Variants in MTMR12 observed in about 807,000 individuals in gnomAD.
MTMR12 encodes myotubularin related protein 12.
MTMR12 carries 33 observed loss-of-function variants against 96.7 expected under a neutral mutation model. That is an observed-to-expected ratio of 0.34 (90% CI 0.26 to 0.46). The LOEUF (loss-of-function observed/expected upper bound fraction) is 0.46, where lower values mean the gene tolerates loss of function less well. MTMR12 is among the 20% of genes least tolerant of loss of function. The pLI, the probability that MTMR12 is intolerant of heterozygous loss-of-function variation, is 1.00. For synonymous variants in MTMR12, 298 were observed against 327.2 expected, an observed-to-expected ratio of 0.91 and a Z score of 0.96; for missense variants, 721 against 896.1, an observed-to-expected ratio of 0.80 and a Z score of 2.49.
At chr5:32,248,678 T>C in intron 9 of MTMR12, 94 bp downstream of exon 9, 1 of 901,372 alleles carries the variant, frequency 1.1e-6, no homozygotes, top group Non-Finnish European at 1.8e-6. Flanking sequence ...AAGCTACCAG[T>C]AGGTAAACAG....
At chr5:32,296,645 CA>C (rs1051040814) in intron 1 of MTMR12, among the ~76,000 whole-genome samples, 5 of 149,090 alleles carry the variant, frequency 3.4e-5, no homozygotes, top group Non-Finnish European at 4.5e-5. Flanking sequence ...CTGTCCCTAC[CA>C]AAAAAAAACT....
At chr5:32,257,480 A>G (rs998569251) in intron 7 of MTMR12, among the ~76,000 whole-genome samples, 4 of 152,018 alleles carry the variant, frequency 2.6e-5, no homozygotes, top group African/African-American at 9.7e-5. Context: ...TTGCATTTAA[A>G]AAATCATCAG....
At chr5:32,255,336 A>C (rs563750023) in intron 8 of MTMR12, among the ~76,000 whole-genome samples, 2 of 152,158 alleles carry the variant, frequency 1.3e-5, no homozygotes, top group African/African-American at 2.4e-5. Flanking sequence ...GCCCATACAA[A>C]GATTAACAGT....
chr5:32,308,832 T>C (rs988484902), intron 1 of MTMR12, among the ~76,000 whole-genome samples: 1 of 152,082 alleles, frequency 6.6e-6, no homozygotes. Flanking sequence ...CTGGATCTCT[T>C]GGCCTCATGA....
intron 10 of MTMR12, among the ~76,000 whole-genome samples, chr5:32,246,704 C>T (rs2112017110): frequency 6.6e-6 from 1 of 152,336 alleles, no homozygotes; most frequent in Non-Finnish European, 1.5e-5. Flanking sequence ...CTTTGGGGCA[C>T]TGTCCCCGTA....
At chr5:32,251,818 G>T (rs1368376237) in intron 8 of MTMR12, among the ~76,000 whole-genome samples, 1 of 152,188 alleles carries the variant, frequency 6.6e-6, no homozygotes, top group Admixed American at 6.5e-5. Flanking sequence ...AAGGAAACGG[G>T]AGCCCAGAGA....
At chr5:32,296,524 G>A in intron 1 of MTMR12, 1 of 333,956 alleles carries the variant, frequency 3.0e-6, no homozygotes, top group Non-Finnish European at 6.3e-6. Flanking sequence ...GCTGGGCATG[G>A]CGATTTACAC....
chr5:32,310,880 T>TC (rs1751559212), intron 1 of MTMR12, among the ~76,000 whole-genome samples: 2 of 151,220 alleles, frequency 1.3e-5, no homozygotes. Context: ...TTTCTTTCTT[T>TC]TTTTTTTTTT....
intron 8 of MTMR12, among the ~76,000 whole-genome samples, chr5:32,254,024 G>A (rs759572419): frequency 1.3e-5 from 2 of 152,228 alleles, no homozygotes; most frequent in African/African-American, 4.8e-5. Flanking sequence ...AGAATGCAGA[G>A]TATCTACATT....
intron 6 of MTMR12, among the ~76,000 whole-genome samples, chr5:32,267,089 TAA>T (rs796861981): frequency 5.0e-5 from 7 of 140,758 alleles, no homozygotes; most frequent in African/African-American, 1.6e-4. Flanking sequence ...TGAAGAAAAA[TAA>T]AAGAGTAACG....
intron 1 of MTMR12, among the ~76,000 whole-genome samples, chr5:32,282,905 T>C (rs757527901): frequency 2.0e-5 from 3 of 152,210 alleles, no homozygotes; most frequent in Non-Finnish European, 4.4e-5. Flanking sequence ...AGCTAATATA[T>C]TTCAATATTC....
chr5:32,281,314 T>G (rs950000298), intron 1 of MTMR12, among the ~76,000 whole-genome samples: 3 of 151,296 alleles, frequency 2.0e-5, no homozygotes, highest in Non-Finnish European at 4.4e-5. Context: ...TCTCCCAATC[T>G]TGTTTCCCAT....
chr5:32,240,611 T>G (rs1046169091), intron 12 of MTMR12, among the ~76,000 whole-genome samples: 29 of 152,202 alleles, frequency 1.9e-4, no homozygotes, highest in African/African-American at 5.8e-4. Context: ...AAAACAAGTT[T>G]CTTTTTGGAG....
chr5:32,259,922 G>C (rs907151776), intron 7 of MTMR12, among the ~76,000 whole-genome samples: 2 of 146,948 alleles, frequency 1.4e-5, no homozygotes, highest in African/African-American at 2.4e-5. Flanking sequence ...TGTAATCCCA[G>C]ATACTTGGGA....
At chr5:32,230,393 C>A (rs766659774) in intron 15 of MTMR12, 46 bp from the exon 16 acceptor site, 3 of 1,490,496 alleles carry the variant, frequency 2.0e-6, no homozygotes, top group East Asian at 4.5e-5. Context: ...ACATAACAGG[C>A]ACAGTTAACA....
chr5:32,311,586 G>A (rs1751598686), intron 1 of MTMR12, among the ~76,000 whole-genome samples: 1 of 152,174 alleles, frequency 6.6e-6, no homozygotes, highest in Non-Finnish European at 1.5e-5. Context: ...GGAGAGAAGG[G>A]CAGAAAAAAA....
At chr5:32,286,040 G>A (rs1162884771) in intron 1 of MTMR12, among the ~76,000 whole-genome samples, 1 of 152,104 alleles carries the variant, frequency 6.6e-6, no homozygotes, top group Non-Finnish European at 1.5e-5. Context: ...CAAACGCTAA[G>A]GATAAAATGA....
rs903117594 is a variant in MTMR12, at chr5:32,270,887, A to G, written c.419T>C (p.Ile140Thr). ...GQLKKYPEKL[I>T]IHCKDLRVFQ... ...CACTCGAAGGTCTTTGCAGTGGATGATGAGCTTCTCAGGGTATTTCTTCAG... is the reference window on the plus strand; with the variant it reads ...CACTCGAAGGTCTTTGCAGTGGATGGTGAGCTTCTCAGGGTATTTCTTCAG... Residue 140 changes from isoleucine (I) to threonine (T), a missense_variant, in exon 5 of 16, where the codon ATC (isoleucine) becomes ACC (threonine). Transcript: ENST00000382142. The G allele has an allele frequency of 6.2e-7, 1 of 1,614,000 alleles. No individual in the cohort carries two copies.
chr5:32,297,375 C>A (rs554705267), intron 1 of MTMR12, among the ~76,000 whole-genome samples: 2 of 152,250 alleles, frequency 1.3e-5, no homozygotes, highest in South Asian at 4.1e-4. Flanking sequence ...CAACTTTTTT[C>A]CTATTACAAA....
Sources: gnomAD v4.1 joint callset for allele counts (sites outside exome capture counted in the v4.1 genomes callset) on GRCh38, gnomAD v4.1.1 for gene constraint, MANE v1.5 for transcripts, NCBI Gene and HGNC (gene_info 2026-07-23, HGNC 2026-07-21) for gene names.